L3MBTL4: variants seen among roughly 807,000 people sequenced by gnomAD.
The protein encoded by L3MBTL4 is L3MBTL histone methyl-lysine binding protein 4, also known as lethal(3)malignant brain tumor-like protein 4.
In L3MBTL4, 70 loss-of-function variants were observed where a neutral mutation model predicts 84.5. That is an observed-to-expected ratio of 0.83 (90% CI 0.68 to 1.01). L3MBTL4 has a LOEUF of 1.01. Ranked by LOEUF, L3MBTL4 falls within the 50% of genes least tolerant of loss-of-function variation. The probability of loss-of-function intolerance (pLI) is 0.00; values close to 1 mark genes in which losing one functional copy is unlikely to be tolerated. For missense variants in L3MBTL4, 715 were observed against 754.8 expected (o/e 0.95, Z 0.62); for synonymous variants, 274 against 259.8 (o/e 1.05, Z -0.52).
At chr18:6,048,764 G>A (rs9965537) in intron 16 of L3MBTL4, among the ~76,000 whole-genome samples, 1,504 of 149,672 alleles carry the variant, frequency 0.01, 23 homozygotes, top group African/African-American at 0.036. Context: ...ACTCCAGCCT[G>A]GGCAACCGAG....
intron 1 of L3MBTL4, among the ~76,000 whole-genome samples, chr18:6,314,923 C>T (rs903453469): frequency 9.8e-5 from 15 of 152,300 alleles, no homozygotes; most frequent in African/African-American, 3.6e-4. Context: ...AGCCACATGT[C>T]CTGGATAACC....
At chr18:5,972,939 GAAT>G (rs2052727637) in intron 16 of L3MBTL4, among the ~76,000 whole-genome samples, 1 of 146,350 alleles carries the variant, frequency 6.8e-6, no homozygotes, top group African/African-American at 2.5e-5. Flanking sequence ...GAATAGAATA[GAAT>G]AGAATAGAAT....
chr18:5,962,641 A>C (rs906070642), intron 17 of L3MBTL4, among the ~76,000 whole-genome samples: 1 of 152,170 alleles, frequency 6.6e-6, no homozygotes, highest in Non-Finnish European at 1.5e-5. Context: ...GGGTCCAAGC[A>C]CTGGGTAGAT....
intron 16 of L3MBTL4, among the ~76,000 whole-genome samples, chr18:6,010,360 T>C (rs569109577): frequency 6.6e-6 from 1 of 152,304 alleles, no homozygotes; most frequent in African/African-American, 2.4e-5. Context: ...AACTGTGCTG[T>C]GCCTTCAAAA....
intron 5 of L3MBTL4, among the ~76,000 whole-genome samples, chr18:6,248,105 C>G (rs2047761716): frequency 3.9e-5 from 6 of 152,090 alleles, no homozygotes; most frequent in Admixed American, 3.9e-4. Flanking sequence ...ACAGATATGT[C>G]TAAGACTAAT....
chr18:6,038,471 G>C (rs2056248815), intron 16 of L3MBTL4, among the ~76,000 whole-genome samples: 1 of 151,922 alleles, frequency 6.6e-6, no homozygotes, highest in South Asian at 2.1e-4. Flanking sequence ...AGCCAGGATG[G>C]TCTCGATCTC....
intron 5 of L3MBTL4, among the ~76,000 whole-genome samples, chr18:6,257,663 T>A (rs972462777): frequency 1.3e-5 from 2 of 149,190 alleles, no homozygotes; most frequent in South Asian, 2.1e-4. Context: ...TTTTTTTTTT[T>A]TAAATGGAGT....
At chr18:6,297,103 T>C (rs2146777009) in intron 4 of L3MBTL4, among the ~76,000 whole-genome samples, 1 of 152,208 alleles carries the variant, frequency 6.6e-6, no homozygotes, top group Admixed American at 6.5e-5. Flanking sequence ...ACAATATTAG[T>C]GATTATCCAT....
intron 15 of L3MBTL4, among the ~76,000 whole-genome samples, chr18:6,084,338 C>T (rs1034611948): frequency 1.3e-5 from 2 of 152,066 alleles, no homozygotes; most frequent in Non-Finnish European, 2.9e-5. Flanking sequence ...GTAGCAGAGA[C>T]CTTTATAGCT....
At chr18:6,158,717 A>C (rs8083296) in intron 13 of L3MBTL4, among the ~76,000 whole-genome samples, 7,812 of 152,266 alleles carry the variant, frequency 0.051, 681 homozygotes, top group African/African-American at 0.18. Flanking sequence ...ATGGCTACTT[A>C]CACATGGTAG....
intron 14 of L3MBTL4, among the ~76,000 whole-genome samples, chr18:6,105,919 T>C (rs951774848): frequency 6.6e-6 from 1 of 151,982 alleles, no homozygotes; most frequent in Non-Finnish European, 1.5e-5. Flanking sequence ...AAAGATACCA[T>C]CAAAACACAA....
At chr18:6,170,840 G>T (rs1215904768) in intron 13 of L3MBTL4, among the ~76,000 whole-genome samples, 3 of 152,140 alleles carry the variant, frequency 2.0e-5, no homozygotes, top group Non-Finnish European at 4.4e-5. Flanking sequence ...AAGCACAAAT[G>T]CTGGCGCCCT....
At chr18:6,110,959 T>C (rs1361259087) in intron 14 of L3MBTL4, among the ~76,000 whole-genome samples, 1 of 152,162 alleles carries the variant, frequency 6.6e-6, no homozygotes, top group Non-Finnish European at 1.5e-5. Context: ...TTCCTCCTTA[T>C]ACCCCTTTGT....
chr18:6,361,405 A>C (rs1185318097), intron 1 of L3MBTL4, among the ~76,000 whole-genome samples: 2 of 152,092 alleles, frequency 1.3e-5, no homozygotes, highest in Non-Finnish European at 2.9e-5. Context: ...TTTGCATGGG[A>C]AGTTGCCCTG....
chr18:6,030,007 C>T (rs2055707863), intron 16 of L3MBTL4: 2 of 985,306 alleles, frequency 2.0e-6, no homozygotes, highest in South Asian at 4.7e-5. Flanking sequence ...TCCAGATGGC[C>T]ATGGGCAGGG....
intron 16 of L3MBTL4, among the ~76,000 whole-genome samples, chr18:6,067,935 T>C (rs1234084163): frequency 2.0e-5 from 3 of 152,222 alleles, no homozygotes; most frequent in African/African-American, 7.2e-5. Context: ...AAATTGTTCT[T>C]AAATTTATTT....
chr18:6,172,949 C>T (rs2044047314), intron 12 of L3MBTL4, among the ~76,000 whole-genome samples: 1 of 152,080 alleles, frequency 6.6e-6, no homozygotes, highest in Non-Finnish European at 1.5e-5. Context: ...TCTCAAGAGT[C>T]GTCTTTCTAA....
intron 16 of L3MBTL4, among the ~76,000 whole-genome samples, chr18:5,982,898 TA>T (rs1432494326): frequency 2.6e-5 from 4 of 152,206 alleles, no homozygotes; most frequent in Admixed American, 6.5e-5. Flanking sequence ...ATATAACTAC[TA>T]AGTAATTATT....
intron 5 of L3MBTL4, among the ~76,000 whole-genome samples, chr18:6,263,620 T>C (rs1338274503): frequency 2.0e-5 from 3 of 152,202 alleles, no homozygotes; most frequent in Non-Finnish European, 4.4e-5. Context: ...ATTTATAGTA[T>C]GCACATTGCA....
Sources: gnomAD v4.1 joint callset for allele counts (sites outside exome capture counted in the v4.1 genomes callset) on GRCh38, gnomAD v4.1.1 for gene constraint, MANE v1.5 for transcripts, NCBI Gene and HGNC (gene_info 2026-07-23, HGNC 2026-07-21) for gene names.